The following KAZN variants were observed in gnomAD, a reference collection of about 807,000 sequenced individuals.
KAZN encodes kazrin, periplakin interacting protein, also known as kazrin.
A neutral mutation model predicts 87.4 loss-of-function variants in KAZN; 40 were observed. That is an observed-to-expected ratio of 0.46 (90% CI 0.36 to 0.60). The LOEUF (loss-of-function observed/expected upper bound fraction) is 0.60, where lower values mean the gene tolerates loss of function less well. KAZN is among the 20% of genes least tolerant of loss of function. The pLI, the probability that KAZN is intolerant of heterozygous loss-of-function variation, is 0.00. For synonymous variants in KAZN, 466 were observed against 458.3 expected (o/e 1.02, Z -0.22); for missense variants, 898 against 1,073.9 (o/e 0.84, Z 2.29).
Position 14,705,983 on chromosome 1 carries a change from C to T in KAZN, c.226+106760C>T, listed in dbSNP as rs530267193. Among the ~76,000 whole-genome samples the T allele has an allele frequency of 8.3e-4, 127 of 152,262 alleles. 1 individual carries two copies. Among genetic ancestry groups the T allele is most frequent in the African/African-American group, 2.9e-3 (119 of 41,562 alleles). ...GTGAATGAAACTTCATCTGTATTTA[C>T]AGCCACTCCCCATGGCTCACATTAC... On this transcript the variant is annotated intron_variant, in intron 1 of 14. Coordinates refer to ENST00000376030, the MANE Select transcript of KAZN (RefSeq NM_201628.3).
chr1:14,084,026 AC>A (rs1241318270), intron 1 of KAZN, among the ~76,000 whole-genome samples: 3 of 152,218 alleles, frequency 2.0e-5, no homozygotes, highest in Non-Finnish European at 4.4e-5. Context: ...ATTTTTAAAG[AC>A]CCATCTGGCT....
chr1:13,970,186 C>T lies in KAZN; in HGVS notation c.91+76430C>T, dbSNP rs539683875. ...TTGGTTTTTAAGCAAAAGGAATATGCCAAATACCATCTGTTCTCAGCCTCT... is the reference window on the plus strand; with the variant it reads ...TTGGTTTTTAAGCAAAAGGAATATGTCAAATACCATCTGTTCTCAGCCTCT... On this transcript the variant is annotated intron_variant, in intron 1 of 16. Transcript: ENST00000636203. 2.0e-5 allele frequency among the ~76,000 whole-genome samples: 3 copies of T among 152,266 alleles called. No homozygotes were observed. The South Asian group carries it at 6.2e-4, about 32-fold the overall frequency.
intron 1 of KAZN, among the ~76,000 whole-genome samples, chr1:14,128,016 A>T (rs72641694): frequency 0.12 from 17,842 of 152,176 alleles, 1,276 homozygotes; most frequent in South Asian, 0.23. Context: ...GACGATGCCG[A>T]ATGTCAAATC....
chr1:14,740,643 C>G (rs10927527), intron 1 of KAZN, among the ~76,000 whole-genome samples: 65,067 of 151,894 alleles, frequency 0.43, 14,582 homozygotes, highest in African/African-American at 0.54. Context: ...CAGACCTCTC[C>G]CGCTCTGGCC....
Position 15,056,259 on chromosome 1 carries a change from C to G in KAZN, c.895C>G (p.Pro299Ala), listed in dbSNP as rs759670949. 9 of 1,608,724 alleles carry G rather than the reference C, an allele frequency of 5.6e-6. No homozygotes were observed. The Admixed American group carries it at 1.2e-4, about 21-fold the overall frequency. Residue 299 changes from proline (P) to alanine (A), a missense_variant, in exon 5 of 15, where the codon CCT (proline) becomes GCT (alanine). Transcript: ENST00000376030. The surrounding 1 kb of genome is among the most constrained non-coding windows in gnomAD (Gnocchi z 5.4). ...ACAGACTCTCTACCACTCACACCCCCCTCACCCTGCGGACCGGCAAGGTGA... is the reference window on the plus strand; with the variant it reads ...ACAGACTCTCTACCACTCACACCCCGCTCACCCTGCGGACCGGCAAGGTGA... Reference protein sequence around the residue: ...SQQTLYHSHPPHPADRQAVRV... With the variant: ...SQQTLYHSHPAHPADRQAVRV...
chr1:14,798,831 G>A (rs948851405), intron 1 of KAZN, among the ~76,000 whole-genome samples: 1 of 151,710 alleles, frequency 6.6e-6, no homozygotes, highest in Non-Finnish European at 1.5e-5. Flanking sequence ...CATGATCTCG[G>A]CTCACTGCAG....
chr1:14,536,640 G>A (rs1672519361), intron 2 of KAZN, among the ~76,000 whole-genome samples: 1 of 152,150 alleles, frequency 6.6e-6, no homozygotes, highest in African/African-American at 2.4e-5. Flanking sequence ...CCAACACTTT[G>A]GGAGGCTGAG....
At chr1:15,091,286 T>G (rs1640522384) in intron 8 of KAZN, among the ~76,000 whole-genome samples, 2 of 152,198 alleles carry the variant, frequency 1.3e-5, no homozygotes, top group Admixed American at 1.3e-4. Context: ...ACACTTTACA[T>G]CTACATATAA....
chr1:14,365,086 C>T (rs1659860351), intron 2 of KAZN, among the ~76,000 whole-genome samples: 1 of 151,610 alleles, frequency 6.6e-6, no homozygotes, highest in African/African-American at 2.4e-5. Context: ...CTCTGTTGCC[C>T]AGACTGGAGT....
At chr1:14,011,632 G>A (rs974674972) in intron 1 of KAZN, among the ~76,000 whole-genome samples, 2 of 152,150 alleles carry the variant, frequency 1.3e-5, no homozygotes, top group African/African-American at 4.8e-5. Context: ...TTATGAGCTA[G>A]GAATGTAGAG....
Position 14,131,779 on chromosome 1 carries a change from G to C in KAZN, c.92-48656G>C, listed in dbSNP as rs1340245700. On this transcript the variant is annotated intron_variant, in intron 1 of 16. Coordinates refer to the KAZN transcript ENST00000636203. ...GGTGAGGCTTGATTCAGGGCTCAAA[G>C]GATATCACCAAGCTTCATCTCAGCT... Among the ~76,000 whole-genome samples, 5 of 152,152 alleles carry C rather than the reference G, an allele frequency of 3.3e-5. No homozygotes were observed. In the East Asian group the frequency reaches 9.7e-4, roughly 30 times the overall value.
rs149277171 is a variant in KAZN, at chr1:14,772,760, C to T, written c.226+173537C>T. On this transcript the variant is annotated intron_variant, in intron 1 of 14. Coordinates refer to ENST00000376030, the MANE Select transcript of KAZN (RefSeq NM_201628.3). The stretch of plus-strand genomic sequence containing the variant: ...GCTGGAGACCCCTTCCCCGAGGGTC[C>T]GCTATTTCTAACCATGGATTGATCT... 2.7e-4 allele frequency among the ~76,000 whole-genome samples: 41 copies of T among 152,144 alleles called. 1 individual carries two copies. In the East Asian group the frequency reaches 5.0e-3, roughly 19 times the overall value.
chr1:14,545,995 G>T (rs1673117025), intron 2 of KAZN, among the ~76,000 whole-genome samples: 1 of 152,114 alleles, frequency 6.6e-6, no homozygotes, highest in South Asian at 2.1e-4. Flanking sequence ...AGAAATATTT[G>T]GTGAATAAGA....
At chr1:15,072,418 C>G (rs1639544565) in intron 8 of KAZN, among the ~76,000 whole-genome samples, 1 of 152,174 alleles carries the variant, frequency 6.6e-6, no homozygotes, top group African/African-American at 2.4e-5. Flanking sequence ...ATCTGGGCTG[C>G]TCTGCCTCAG....
chr1:15,087,510 G>A (rs1167603641), intron 8 of KAZN, among the ~76,000 whole-genome samples: 1 of 151,118 alleles, frequency 6.6e-6, no homozygotes, highest in African/African-American at 2.4e-5. Flanking sequence ...CTCCTGCCTC[G>A]GCCTCCCGAG....
At chr1:14,834,334 C>T (rs1214188522) in intron 1 of KAZN, among the ~76,000 whole-genome samples, 1 of 146,616 alleles carries the variant, frequency 6.8e-6, no homozygotes, top group African/African-American at 2.5e-5. Context: ...CTATGCCTGG[C>T]CCCAAGTCAC....
chr1:14,960,847 G>A lies in KAZN; in HGVS notation c.390G>A (p.Glu130=), dbSNP rs1377576046. 4 of 1,609,882 alleles carry A rather than the reference G, an allele frequency of 2.5e-6. No homozygotes were observed. Among genetic ancestry groups the A allele is most frequent in the Non-Finnish European group, 3.4e-6 (4 of 1,177,948 alleles). Reference sequence around the variant, plus strand: ...TCCAGCTGGCCCAGAAGGAGCAGGAGCTAGCCAGAGCCAAAGAAGCCTTGC... The same window carrying A: ...TCCAGCTGGCCCAGAAGGAGCAGGAACTAGCCAGAGCCAAAGAAGCCTTGC... The part of the protein sequence containing the change: ...LRVQLAQKEQ[E]LARAKEALQA... Residue 130 remains glutamate (E), a synonymous_variant, in exon 2 of 15, where the codon GAG becomes GAA. Coordinates refer to ENST00000376030, the MANE Select transcript of KAZN (RefSeq NM_201628.3).
At chr1:13,979,830 C>T (rs1189471879) in intron 1 of KAZN, among the ~76,000 whole-genome samples, 2 of 149,856 alleles carry the variant, frequency 1.3e-5, no homozygotes, top group African/African-American at 4.9e-5. Context: ...ACTCGGGAGG[C>T]TGAGGCAGGA....
chr1:14,021,953 CTTTTTTT>C (rs141959214), intron 1 of KAZN, among the ~76,000 whole-genome samples: 1 of 114,292 alleles, frequency 8.7e-6, no homozygotes, highest in Non-Finnish European at 1.7e-5. Flanking sequence ...AATGAACATG[CTTTTTTT>C]TTTTTTTTTT....
Sources: allele counts gnomAD v4.1 joint callset (sites outside exome capture counted in the v4.1 genomes callset), GRCh38; gene constraint gnomAD v4.1.1; non-coding constraint Gnocchi (gnomAD v3.1); transcripts MANE v1.5; gene names NCBI Gene and HGNC (gene_info 2026-07-23, HGNC 2026-07-21).